RAP1GAP2: variants seen among roughly 807,000 people sequenced by gnomAD.
The protein encoded by RAP1GAP2 is RAP1 GTPase activating protein 2.
In RAP1GAP2, 27 loss-of-function variants were observed where a neutral mutation model predicts 95.0. The ratio of observed to expected loss-of-function variants is 0.28; its 90% CI spans 0.21 to 0.39. RAP1GAP2 has a LOEUF of 0.39. Among genes scored for constraint, RAP1GAP2 ranks in the 10% least tolerant of loss-of-function variants. RAP1GAP2 has a pLI of 1.00. For missense variants in RAP1GAP2, 771 were observed against 970.0 expected (o/e 0.79, Z 2.72); for synonymous variants, 373 against 380.9 (o/e 0.98, Z 0.24).
intron 2 of RAP1GAP2, among the ~76,000 whole-genome samples, chr17:2,800,771 G>C (rs116770050): frequency 9.5e-4 from 144 of 152,238 alleles, no homozygotes; most frequent in African/African-American, 3.4e-3. Flanking sequence ...CCAGGGGCTA[G>C]AATGGTGGGA....
intron 3 of RAP1GAP2, among the ~76,000 whole-genome samples, chr17:2,938,295 C>T (rs895510403): frequency 7.9e-5 from 12 of 152,148 alleles, no homozygotes; most frequent in African/African-American, 2.4e-4. Context: ...GTCTGCCCCA[C>T]ACTAGGTCTG....
intron 1 of RAP1GAP2, among the ~76,000 whole-genome samples, chr17:2,768,679 C>A (rs954594354): frequency 8.4e-6 from 1 of 119,220 alleles, no homozygotes; most frequent in East Asian, 2.2e-4. Flanking sequence ...GCAACAAGAG[C>A]GAAACTCTGT....
intron 11 of RAP1GAP2, among the ~76,000 whole-genome samples, chr17:2,988,104 G>A (rs1160754206): frequency 6.6e-6 from 1 of 152,064 alleles, no homozygotes; most frequent in African/African-American, 2.4e-5. Flanking sequence ...CAGCTACTTG[G>A]GAGTCTAAGG....
rs769743620 is a variant in RAP1GAP2 at position 3,020,496 on chromosome 17, C to T, written c.1652C>T (p.Thr551Met). The T allele has an allele frequency of 7.3e-5, 118 of 1,613,596 alleles. No homozygotes were observed. The highest frequency in any genetic ancestry group is 5.2e-4 in the African/African-American group (39 of 74,916). ...TTFSPPVVAA[T>M]VKNQSRSPIK... ...CGACAGCCTCCAGTGGTGGCGGCAACGGTGAAGAACCAGTCACGGAGTCCC... is the reference window on the plus strand; with the variant it reads ...CGACAGCCTCCAGTGGTGGCGGCAATGGTGAAGAACCAGTCACGGAGTCCC... The change falls in exon 19 of 25, where the codon ACG becomes ATG. Residue 551 changes from threonine (T) to methionine (M), a missense_variant. Physicochemically the swap from Thr to Met is moderately conservative, Grantham distance 81. Transcript: ENST00000254695.
chr17:2,897,585 C>T (rs1428537631), intron 2 of RAP1GAP2, among the ~76,000 whole-genome samples: 2 of 152,050 alleles, frequency 1.3e-5, no homozygotes, highest in African/African-American at 2.4e-5. Flanking sequence ...GTCTCGAACT[C>T]CTGACCTCAA....
intron 2 of RAP1GAP2, among the ~76,000 whole-genome samples, chr17:2,882,861 G>A (rs577910303): frequency 1.3e-5 from 2 of 152,348 alleles, no homozygotes; most frequent in South Asian, 4.1e-4. Context: ...TGACTGATTC[G>A]TGTCATGTCC....
At chr17:3,028,300 C>T (rs966017619) in intron 22 of RAP1GAP2, among the ~76,000 whole-genome samples, 8 of 150,448 alleles carry the variant, frequency 5.3e-5, no homozygotes, top group East Asian at 1.9e-4. Flanking sequence ...GGCAGTCTTG[C>T]TACCCCATGG....
In RAP1GAP2 at chr17:3,004,400, G is replaced by A. The variant is rs1312996697; in HGVS notation, c.1201-969G>A. 6.6e-6 allele frequency among the ~76,000 whole-genome samples: 1 copy of A among 152,256 alleles called. No homozygotes were observed. Among genetic ancestry groups the A allele is most frequent in the Non-Finnish European group, 1.5e-5 (1 of 68,048 alleles). ...CTGCTCACCCGGCCTGGCAGACTCT[G>A]CATCTGCTCCACTTCACAGGCCGGG... On this transcript the variant is annotated intron_variant, in intron 14 of 24. Coordinates refer to ENST00000254695, the MANE Select transcript of RAP1GAP2 (RefSeq NM_015085.5). This position sits in a 1 kb window ranked among gnomAD's most constrained non-coding sequence, Gnocchi z 4.1.
rs534096962 is a variant in RAP1GAP2, at chr17:3,002,873, G to A, written c.1201-2496G>A. ...TGCAGGCTGCTAGCCCTGACATCCT[G>A]CGGGAGGGAAGGAGGCGTGCTTGGG... On this transcript the variant is annotated intron_variant, in intron 14 of 24. Coordinates refer to ENST00000254695, the MANE Select transcript of RAP1GAP2 (RefSeq NM_015085.5). Among the ~76,000 whole-genome samples the A allele has an allele frequency of 4.6e-4, 70 of 152,244 alleles. 1 individual carries two copies. The South Asian group carries it at 0.013, about 28-fold the overall frequency.
chr17:3,002,523 C>G (rs562223289), intron 14 of RAP1GAP2, among the ~76,000 whole-genome samples: 1 of 152,314 alleles, frequency 6.6e-6, no homozygotes, highest in Non-Finnish European at 1.5e-5. Flanking sequence ...GAGGAGGACC[C>G]GGTTAGATCC....
chr17:2,941,411 C>G lies in RAP1GAP2; in HGVS notation c.166-16348C>G, dbSNP rs1367042235. 3.3e-5 allele frequency among the ~76,000 whole-genome samples: 5 copies of G among 151,534 alleles called. No homozygotes were observed. In the East Asian group the frequency reaches 9.8e-4, roughly 30 times the overall value. ...CAACAGAGCAAGACTCCATCTAAAACATAAATTAAAAATAAAATGAAATAA... is the reference window on the plus strand; with the variant it reads ...CAACAGAGCAAGACTCCATCTAAAAGATAAATTAAAAATAAAATGAAATAA... On this transcript the variant is annotated intron_variant, in intron 3 of 24. Transcript: ENST00000254695.
upstream of RAP1GAP2, among the ~76,000 whole-genome samples, chr17:2,776,040 A>G (rs969978501): frequency 1.6e-4 from 24 of 152,274 alleles, no homozygotes; most frequent in African/African-American, 5.3e-4. Flanking sequence ...GTAGCCGGGT[A>G]TGGTGGCGGG....
intron 10 of RAP1GAP2, 23 bp from the exon 11 acceptor site, chr17:2,984,960 T>TG: frequency 6.2e-7 from 1 of 1,606,000 alleles, no homozygotes; most frequent in Non-Finnish European, 8.5e-7. Flanking sequence ...TGTTGATTTT[T>TG]TTTTTCTTGC....
intron 3 of RAP1GAP2, among the ~76,000 whole-genome samples, chr17:2,927,664 C>T (rs937589445): frequency 2.4e-4 from 36 of 152,312 alleles, no homozygotes; most frequent in African/African-American, 8.4e-4. Flanking sequence ...GACAAGGGCA[C>T]CTCTGGGTGT....
At chr17:2,896,945 G>A (rs1392711407) in intron 2 of RAP1GAP2, among the ~76,000 whole-genome samples, 1 of 152,166 alleles carries the variant, frequency 6.6e-6, no homozygotes, top group Non-Finnish European at 1.5e-5. Context: ...GCACAGCCTG[G>A]GCCTCCTGCT....
upstream of RAP1GAP2, among the ~76,000 whole-genome samples, chr17:2,792,258 G>T (rs190140941): frequency 1.6e-4 from 24 of 152,328 alleles, no homozygotes; most frequent in African/African-American, 5.3e-4. Flanking sequence ...CAGAGCAGGG[G>T]GTCAAGAAGC....
At chr17:2,872,299 C>T (rs2072878034) in intron 2 of RAP1GAP2, among the ~76,000 whole-genome samples, 1 of 147,334 alleles carries the variant, frequency 6.8e-6, no homozygotes, top group African/African-American at 2.5e-5. Flanking sequence ...TTCTCCAAAA[C>T]AAAGAGTTTC....
chr17:2,831,302 C>T (rs1162286604), intron 2 of RAP1GAP2, among the ~76,000 whole-genome samples: 1 of 150,602 alleles, frequency 6.6e-6, no homozygotes, highest in Non-Finnish European at 1.5e-5. Context: ...GTCTTGAACT[C>T]CTGACCTCAG....
chr17:2,977,471 G>A (rs962355468), intron 8 of RAP1GAP2, among the ~76,000 whole-genome samples: 4 of 152,114 alleles, frequency 2.6e-5, no homozygotes, highest in African/African-American at 4.8e-5. Context: ...CAAGCTGGGC[G>A]TGGTGGCTCA....
Sources: allele counts gnomAD v4.1 joint callset (sites outside exome capture counted in the v4.1 genomes callset), GRCh38; gene constraint gnomAD v4.1.1; non-coding constraint Gnocchi (gnomAD v3.1); transcripts MANE v1.5; gene names NCBI Gene and HGNC (gene_info 2026-07-23, HGNC 2026-07-21).